The following WDR37 variants were observed in gnomAD, a reference collection of about 807,000 sequenced individuals.
WDR37 encodes the protein WD repeat-containing protein 37.
Under a neutral mutation model 62.9 loss-of-function variants are expected in WDR37, and 19 were observed. The observed-to-expected ratio is 0.30, with a 90% CI of 0.21 to 0.44. The LOEUF is 0.44. Ranked by LOEUF, WDR37 falls within the 20% of genes least tolerant of loss-of-function variation. The probability of loss-of-function intolerance (pLI) is 1.00; values close to 1 mark genes in which losing one functional copy is unlikely to be tolerated. For synonymous variants in WDR37, 250 were observed against 260.9 expected (o/e 0.96, Z 0.40); for missense variants, 474 against 657.6 (o/e 0.72, Z 3.05).
intron 6 of WDR37, among the ~76,000 whole-genome samples, chr10:1,085,122 G>A (rs924934287): frequency 1.3e-5 from 2 of 150,924 alleles, no homozygotes; most frequent in South Asian, 2.1e-4. Context: ...CCGCCACCAC[G>A]CCTGGCTAAT....
intron 1 of WDR37, among the ~76,000 whole-genome samples, chr10:1,059,182 C>G (rs539161568): frequency 1.3e-4 from 20 of 151,322 alleles, no homozygotes; most frequent in Non-Finnish European, 2.7e-4. Context: ...CCAAGACCAC[C>G]CTGGCCAACA....
At position 1,129,997 on chromosome 10, in the gene WDR37, C is replaced by T. The variant is rs1423740856; in HGVS notation, c.*653C>T. 1 of 152,574 alleles carries T rather than the reference C, an allele frequency of 6.6e-6. No individual in the cohort carries two copies. The highest frequency in any genetic ancestry group is 2.4e-5 in the African/African-American group (1 of 41,428). 9.5% of individuals were successfully genotyped at this position (152,574 alleles called of 1,614,324 possible). On this transcript the variant is annotated 3_prime_UTR_variant, in exon 14 of 14. Coordinates refer to ENST00000263150, the MANE Select transcript of WDR37 (RefSeq NM_014023.4). Reference sequence around the variant, plus strand: ...TTTTTATAGAAAATCATTTCAGTCTCCCGAGGTCTCATGCTAGCAAATTTT... The same window carrying T: ...TTTTTATAGAAAATCATTTCAGTCTTCCGAGGTCTCATGCTAGCAAATTTT...
intron 1 of WDR37, among the ~76,000 whole-genome samples, chr10:1,066,606 A>T (rs951850001): frequency 2.0e-5 from 3 of 152,252 alleles, no homozygotes; most frequent in Non-Finnish European, 2.9e-5. Context: ...ATTATTCAAA[A>T]ATGTAAAAGG....
At chr10:1,123,081 T>C (rs1366856402) in intron 11 of WDR37, among the ~76,000 whole-genome samples, 1 of 152,214 alleles carries the variant, frequency 6.6e-6, no homozygotes, top group Admixed American at 6.5e-5. Context: ...GGGTCTCCCA[T>C]CTTAGCCATT....
chr10:1,079,729 G>A (rs527250531), intron 3 of WDR37, among the ~76,000 whole-genome samples: 2 of 152,030 alleles, frequency 1.3e-5, no homozygotes, highest in African/African-American at 4.8e-5. Flanking sequence ...GAGACACCCT[G>A]TTGGTCAGGC....
In WDR37 at chr10:1,105,230, T is replaced by G. The variant is rs779533118; in HGVS notation, c.1066T>G (p.Ser356Ala). 3.1e-6 allele frequency: 5 copies of G among 1,613,696 alleles called. No individual in the cohort carries two copies. Among genetic ancestry groups the G allele is most frequent in the Non-Finnish European group, 4.2e-6 (5 of 1,179,962 alleles). The change falls in exon 11 of 14, where the codon TCC (serine) becomes GCC (alanine). Residue 356 changes from serine (S) to alanine (A), a missense_variant. By Grantham distance (99) the Ser-to-Ala change is moderately conservative. Transcript: ENST00000263150. This position sits in a 1 kb window ranked among gnomAD's most constrained non-coding sequence, Gnocchi z 5.3. Reference protein sequence around the residue: ...TFRLWDFRDPSIHSVNVFQGH... With the variant: ...TFRLWDFRDPAIHSVNVFQGH... Reference sequence around the variant, plus strand: ...CCGCCTCTGGGATTTCAGGGACCCCTCCATCCACTCGGTGAATGTTTTCCA... The same window carrying G: ...CCGCCTCTGGGATTTCAGGGACCCCGCCATCCACTCGGTGAATGTTTTCCA...
intron 13 of WDR37, among the ~76,000 whole-genome samples, chr10:1,127,689 G>A (rs894161386): frequency 6.6e-6 from 1 of 152,218 alleles, no homozygotes; most frequent in African/African-American, 2.4e-5. Context: ...TTGGGCGTGA[G>A]GGTCCCTGCG....
chr10:1,066,760 A>G (rs1833566530), intron 1 of WDR37, among the ~76,000 whole-genome samples: 1 of 152,210 alleles, frequency 6.6e-6, no homozygotes, highest in African/African-American at 2.4e-5. Flanking sequence ...CATACCTGAG[A>G]TTGGGCAATT....
chr10:1,068,594 T>C (rs1323594517), intron 1 of WDR37, among the ~76,000 whole-genome samples: 1 of 152,066 alleles, frequency 6.6e-6, no homozygotes, highest in East Asian at 1.9e-4. Context: ...CAATACCAAA[T>C]GCTGGTGAGG....
Position 1,080,443 on chromosome 10 carries a change from A to G in WDR37, c.363A>G (p.Lys121=), listed in dbSNP as rs73578536. Residue 121 remains lysine, a synonymous_variant, in exon 5 of 14, where the codon AAA becomes AAG. Coordinates refer to ENST00000263150, the MANE Select transcript of WDR37 (RefSeq NM_014023.4). ...ASHSTSQLSQ[K]LKTTYKASTS... Reference sequence around the variant, plus strand: ...ACAGCACCAGCCAGCTCTCCCAGAAACTGAAGACCACTTACAAGGCTTCCA... The same window carrying G: ...ACAGCACCAGCCAGCTCTCCCAGAAGCTGAAGACCACTTACAAGGCTTCCA... 6.4e-4 allele frequency: 1,030 copies of G among 1,614,148 alleles called. 6 individuals are homozygous for G. In the African/African-American group the frequency reaches 9.7e-3, roughly 15 times the overall value.
chr10:1,070,207 C>T (rs867329200), intron 1 of WDR37, among the ~76,000 whole-genome samples: 2 of 93,898 alleles, frequency 2.1e-5, no homozygotes, highest in Admixed American at 2.2e-4. Context: ...GACTCTGTCT[C>T]AAAAAAAAAA....
chr10:1,101,898 T>G (rs1279243473), intron 9 of WDR37, among the ~76,000 whole-genome samples: 1 of 152,142 alleles, frequency 6.6e-6, no homozygotes, highest in Non-Finnish European at 1.5e-5. Flanking sequence ...TTATTTTACT[T>G]CATAGAAGTT....
intron 13 of WDR37, among the ~76,000 whole-genome samples, chr10:1,127,046 T>C (rs967687205): frequency 1.3e-5 from 2 of 152,244 alleles, no homozygotes; most frequent in Non-Finnish European, 2.9e-5. Context: ...CACAGCTGCA[T>C]CTTAGACACA....
chr10:1,124,503 A>G (rs1178991944), intron 12 of WDR37, 151 bp downstream of exon 12: 2 of 1,194,768 alleles, frequency 1.7e-6, no homozygotes, highest in Non-Finnish European at 2.3e-6. Flanking sequence ...TCAGTATTCC[A>G]TGAAAACTTA....
At chr10:1,106,747 C>A (rs1835036404) in intron 11 of WDR37, among the ~76,000 whole-genome samples, 1 of 152,222 alleles carries the variant, frequency 6.6e-6, no homozygotes, top group South Asian at 2.1e-4. Flanking sequence ...GAACTCCTAA[C>A]CTCAGGTGAT....
chr10:1,091,482 T>G (rs1834386068), intron 7 of WDR37, among the ~76,000 whole-genome samples: 1 of 152,230 alleles, frequency 6.6e-6, no homozygotes, highest in African/African-American at 2.4e-5. Flanking sequence ...TAGAAAAATA[T>G]AATTCTAATG....
Position 1,121,972 on chromosome 10 carries a change from T to C in WDR37, c.1104-2246T>C, listed in dbSNP as rs1835595605. Reference sequence around the variant, plus strand: ...CTTTGATGTTATATTTTTAAAAACCTTGTCTTAATGCAGTGGAACTTAGAC... The same window carrying C: ...CTTTGATGTTATATTTTTAAAAACCCTGTCTTAATGCAGTGGAACTTAGAC... On this transcript the variant is annotated intron_variant, in intron 11 of 13. Coordinates refer to ENST00000263150, the MANE Select transcript of WDR37 (RefSeq NM_014023.4). This position sits in a 1 kb window ranked among gnomAD's most constrained non-coding sequence, Gnocchi z 4.5. Among the ~76,000 whole-genome samples, 1 of 152,078 alleles carries C rather than the reference T, an allele frequency of 6.6e-6. No individual in the cohort carries two copies. Among genetic ancestry groups the C allele is most frequent in the African/African-American group, 2.4e-5 (1 of 41,426 alleles).
At chr10:1,068,381 C>T (rs375886252) in intron 1 of WDR37, among the ~76,000 whole-genome samples, 1 of 102,766 alleles carries the variant, frequency 9.7e-6, no homozygotes, top group Non-Finnish European at 2.0e-5. Context: ...GGCGTGAACC[C>T]GGGAGGCGGA....
At position 1,056,476 on chromosome 10, in the gene WDR37, CA is replaced by C. The variant is rs1329502224; in HGVS notation, c.-532del. 3 of 152,138 alleles carry C rather than the reference CA, an allele frequency of 2.0e-5. No individual in the cohort carries two copies. The highest frequency in any genetic ancestry group is 4.4e-5 in the Non-Finnish European group (3 of 68,036). 9.4% of individuals were successfully genotyped at this position (152,138 alleles called of 1,614,324 possible). ...CCTGAGCGCAGGCGGCCCCGGGTCT[CA>C]GGCCTCAGGCGGACCGCGCCCCGGG... On this transcript the variant is annotated 5_prime_UTR_variant, in exon 1 of 14. Transcript: ENST00000263150.
Sources: allele counts gnomAD v4.1 joint callset (sites outside exome capture counted in the v4.1 genomes callset), GRCh38; gene constraint gnomAD v4.1.1; non-coding constraint Gnocchi (gnomAD v3.1); transcripts MANE v1.5; gene names NCBI Gene and HGNC (gene_info 2026-07-23, HGNC 2026-07-21).